Variants in CELA3B observed in about 807,000 individuals in gnomAD.
CELA3B encodes chymotrypsin like elastase 3B.
A neutral mutation model predicts 37.2 loss-of-function variants in CELA3B; 34 were observed. That is an observed-to-expected ratio of 0.91 (90% CI 0.70 to 1.22). The LOEUF is 1.22. CELA3B is among the 50% of genes most tolerant of loss of function. The pLI is 0.00. For missense variants in CELA3B, 340 were observed against 363.1 expected, an observed-to-expected ratio of 0.94 and a Z score of 0.52; for synonymous variants, 127 against 143.5, an observed-to-expected ratio of 0.89 and a Z score of 0.82.
chr1:21,982,698 G>T (rs1644812515), intron 4 of CELA3B, among the ~76,000 whole-genome samples: 1 of 151,994 alleles, frequency 6.6e-6, no homozygotes, highest in Admixed American at 6.6e-5. Flanking sequence ...TTGTTTTTGA[G>T]ACTGAGTCTC....
downstream of CELA3B, among the ~76,000 whole-genome samples, chr1:21,991,896 G>A (rs546144291): frequency 2.1e-4 from 31 of 151,044 alleles, 1 homozygote; most frequent in African/African-American, 7.1e-4. Flanking sequence ...GAGGCCAGTG[G>A]ATCACTTGAG....
intron 2 of CELA3B, among the ~76,000 whole-genome samples, chr1:21,978,685 C>G (rs1249389543): frequency 6.6e-6 from 1 of 152,150 alleles, no homozygotes; most frequent in African/African-American, 2.4e-5. Context: ...GAAGGAAATG[C>G]TAAACTCAAG....
Position 21,980,921 on chromosome 1 carries a change from C to T in CELA3B, c.227C>T (p.Ser76Leu), listed in dbSNP as rs746930207. The T allele has an allele frequency of 7.6e-5, 123 of 1,613,744 alleles. No homozygotes were observed. The highest frequency in any genetic ancestry group is 9.3e-5 in the African/African-American group (7 of 74,910). The change falls in exon 3 of 8, where the codon TCG becomes TTG. Residue 76 changes from serine (S) to leucine (L), a missense_variant and splice_region_variant. Coordinates refer to ENST00000337107, the MANE Select transcript of CELA3B (RefSeq NM_007352.4). Reference sequence around the variant, plus strand: ...GTTGTGACTGCCGGCCACTGCATCTCGTGAGTTCTCTACCCTGTCCCTGCC... The same window carrying T: ...GTTGTGACTGCCGGCCACTGCATCTTGTGAGTTCTCTACCCTGTCCCTGCC... ...DWVVTAGHCISSSRTYQVVLG... is the reference protein window; with the variant it reads ...DWVVTAGHCILSSRTYQVVLG...
chr1:21,986,487 C>T (rs754092553), intron 6 of CELA3B, 44 bp from the exon 7 acceptor site: 1 of 1,607,366 alleles, frequency 6.2e-7, no homozygotes, highest in Non-Finnish European at 8.5e-7. Flanking sequence ...GTTCCATAAA[C>T]CTCAGACATG....
rs529606666 is a variant in CELA3B at position 21,983,869 on chromosome 1, G to T, written c.499+39G>T. ...TCTCTAGCTGGCCACAGGGACAGTGGCAGAAAGACAGGGCCTGGGGGCTGC... is the reference window on the plus strand; with the variant it reads ...TCTCTAGCTGGCCACAGGGACAGTGTCAGAAAGACAGGGCCTGGGGGCTGC... On this transcript the variant is annotated intron_variant, in intron 5 of 7. Transcript: ENST00000337107. 98 of 1,609,338 alleles carry T rather than the reference G, an allele frequency of 6.1e-5. No homozygotes were observed. In the East Asian group the frequency reaches 2.1e-3, roughly 34 times the overall value.
chr1:21,985,262 G>A (rs1476764157), intron 6 of CELA3B, among the ~76,000 whole-genome samples: 2 of 144,366 alleles, frequency 1.4e-5, no homozygotes, highest in South Asian at 2.3e-4. Context: ...AAGCCTGGGC[G>A]ACAGAGCAAG....
At chr1:21,995,143 T>TC (rs1312799609) in intron 4 of CELA3B, among the ~76,000 whole-genome samples, 1 of 106,056 alleles carries the variant, frequency 9.4e-6, no homozygotes, top group Non-Finnish European at 1.7e-5. Flanking sequence ...TTCTTTTCTT[T>TC]CTTTTTTTTT....
In CELA3B at chr1:21,978,445, G is replaced by T. The variant is rs1314224467; in HGVS notation, c.120G>T (p.Trp40Cys). 1 of 1,614,090 alleles carries T rather than the reference G, an allele frequency of 6.2e-7. No individual in the cohort carries two copies. The highest frequency in any genetic ancestry group is 1.7e-5 in the Admixed American group (1 of 60,012). Residue 40 changes from tryptophan to cysteine, a missense_variant, in exon 2 of 8, where the codon TGG (tryptophan) becomes TGT (cysteine). Trp to Cys is a radical substitution (Grantham distance 215, BLOSUM62 -2). Transcript: ENST00000337107. Reference protein sequence around the residue: ...VNGEDAVPYSWPWQVSLQYEK... With the variant: ...VNGEDAVPYSCPWQVSLQYEK... Reference sequence around the variant, plus strand: ...GTGAGGATGCGGTCCCCTACAGCTGGCCCTGGCAGGTAAGAGCAATAGCAG... The same window carrying T: ...GTGAGGATGCGGTCCCCTACAGCTGTCCCTGGCAGGTAAGAGCAATAGCAG...
downstream of CELA3B, among the ~76,000 whole-genome samples, chr1:21,989,615 T>C (rs972341150): frequency 5.4e-5 from 8 of 149,226 alleles, no homozygotes; most frequent in Non-Finnish European, 1.0e-4. Flanking sequence ...GTCGCCTTAG[T>C]ATATAGTCGC....
chr1:21,979,715 C>A (rs4520391), intron 2 of CELA3B, among the ~76,000 whole-genome samples: 135,504 of 150,024 alleles, frequency 0.9, 61,973 homozygotes, highest in Non-Finnish European at 0.98. Context: ...TGACCTCCCA[C>A]AGTGCTGGGA....
intron 6 of CELA3B, 101 bp downstream of exon 6, chr1:21,984,432 C>T: frequency 6.7e-7 from 1 of 1,484,254 alleles, no homozygotes; most frequent in Non-Finnish European, 9.1e-7. Flanking sequence ...CCTGCTTGCC[C>T]CATTCAGCCT....
At chr1:21,992,565 G>A (rs1398400668), downstream of CELA3B, among the ~76,000 whole-genome samples, 1 of 151,490 alleles carries the variant, frequency 6.6e-6, no homozygotes, top group Non-Finnish European at 1.5e-5. Flanking sequence ...CAAAGCTGGA[G>A]TTATGGCTTT....
In CELA3B at chr1:21,981,035, C is replaced by T. The variant is rs1035761656; in HGVS notation, c.228-3C>T. 6.2e-7 allele frequency: 1 copy of T among 1,614,104 alleles called. No homozygotes were observed. The highest frequency in any genetic ancestry group is 1.1e-5 in the South Asian group (1 of 91,068). On this transcript the variant is annotated splice_region_variant and splice_polypyrimidine_tract_variant and intron_variant, in intron 3 of 7. Transcript: ENST00000337107. ...CCCAGACTGACCTCACCTCCGCCCG[C>T]AGGAGCTCCCGGACCTACCAGGTGG...
At chr1:21,979,457 T>C (rs1317527324) in intron 2 of CELA3B, among the ~76,000 whole-genome samples, 4 of 135,854 alleles carry the variant, frequency 2.9e-5, no homozygotes, top group Admixed American at 7.3e-5. Context: ...TCTTTTCTTT[T>C]TTTTTTTTTT....
intron 7 of CELA3B, chr1:21,987,729 G>T (rs1246891937): frequency 6.7e-6 from 1 of 149,976 alleles, no homozygotes; most frequent in Non-Finnish European, 1.5e-5. Flanking sequence ...TCACACCTGT[G>T]AATAGCCACT....
rs116485626 is a variant in CELA3B, at chr1:21,977,100, G to C, written c.43+18G>C. On this transcript the variant is annotated intron_variant, in intron 1 of 7. Coordinates refer to ENST00000337107, the MANE Select transcript of CELA3B (RefSeq NM_007352.4). ...GGCCGTTGGTAAGACCCCAACCTGT[G>C]TGTGTGCTCCCTGGGCTGCCCTAGA... The C allele has an allele frequency of 5.5e-3, 8,844 of 1,614,012 alleles. 279 individuals carry two copies. The African/African-American group carries it at 0.081, about 15-fold the overall frequency.
In CELA3B at chr1:21,980,195, G is replaced by C. The variant is rs543230211; in HGVS notation, c.130-629G>C. Among the ~76,000 whole-genome samples the C allele has an allele frequency of 2.2e-3, 288 of 132,056 alleles. 2 individuals carry two copies. The highest frequency in any genetic ancestry group is 6.0e-3 in the East Asian group (28 of 4,650). The allele number at this position is 132,056 out of a possible 152,430, so 86.6% of individuals were successfully genotyped here. A position where few individuals can be genotyped will look rare whatever the true frequency, so the allele number is the denominator to read the frequency against. ...AAGAGCTGAGGTTCAAAAGAGTCAG[G>C]GGGGCTGGGCGCGGTGGCTCACGCC... On this transcript the variant is annotated intron_variant, in intron 2 of 7. Coordinates refer to ENST00000337107, the MANE Select transcript of CELA3B (RefSeq NM_007352.4).
exon 5 of CELA3B, chr1:21,998,384 C>T (rs1416468198): frequency 4.9e-5 from 17 of 344,970 alleles, no homozygotes; most frequent in Non-Finnish European, 4.2e-5. Flanking sequence ...CAAAACCCCC[C>T]GCCCCATGGG....
downstream of CELA3B, among the ~76,000 whole-genome samples, chr1:21,992,320 G>A (rs558165351): frequency 1.3e-5 from 2 of 151,634 alleles, no homozygotes; most frequent in East Asian, 3.9e-4. Context: ...TTGAAGCTAG[G>A]AGTTCAAGGC....
Sources: allele counts gnomAD v4.1 joint callset (sites outside exome capture counted in the v4.1 genomes callset), GRCh38; gene constraint gnomAD v4.1.1; transcripts MANE v1.5; gene names NCBI Gene and HGNC (gene_info 2026-07-23, HGNC 2026-07-21).